Variants in DYNC2H1 observed in about 807,000 individuals in gnomAD.
The protein encoded by DYNC2H1 is cytoplasmic dynein 2 heavy chain 1.
DYNC2H1 carries 410 observed loss-of-function variants against 570.0 expected under a neutral mutation model. The ratio of observed to expected loss-of-function variants is 0.72; its 90% confidence interval spans 0.66 to 0.78. DYNC2H1 has a LOEUF of 0.78. Among genes scored for constraint, DYNC2H1 ranks in the 30% least tolerant of loss-of-function variants. DYNC2H1 has a pLI of 0.00. For synonymous variants in DYNC2H1, 1,688 were observed against 1,677.6 expected (o/e 1.01, Z -0.15); for missense variants, 4,865 against 5,046.4 (o/e 0.96, Z 1.09).
At chr11:103,183,201 A>G (rs1861925805) in intron 40 of DYNC2H1, among the ~76,000 whole-genome samples, 1 of 151,958 alleles carries the variant, frequency 6.6e-6, no homozygotes, top group South Asian at 2.1e-4. Context: ...TATATACCTG[A>G]TGCCTACATT....
intron 44 of DYNC2H1, among the ~76,000 whole-genome samples, 156 bp downstream of exon 44, chr11:103,188,804 G>A (rs1379384107): frequency 1.3e-5 from 2 of 151,822 alleles, no homozygotes; most frequent in Non-Finnish European, 2.9e-5. Context: ...CAAAATATAG[G>A]CAATAATTTA....
intron 85 of DYNC2H1, among the ~76,000 whole-genome samples, chr11:103,440,929 C>A (rs1000161697): frequency 2.0e-5 from 3 of 152,136 alleles, no homozygotes; most frequent in African/African-American, 4.8e-5. Context: ...TAACTAGAGT[C>A]CTGCTTCCAC....
intron 84 of DYNC2H1, among the ~76,000 whole-genome samples, chr11:103,410,098 C>G (rs767686916): frequency 1.3e-5 from 2 of 152,044 alleles, no homozygotes; most frequent in Admixed American, 1.3e-4. Context: ...TTAAGCTACA[C>G]TTTGGTTTGT....
chr11:103,154,304 C>A, intron 22 of DYNC2H1, 147 bp from the exon 23 acceptor site: 2 of 615,532 alleles, frequency 3.2e-6, no homozygotes, highest in Non-Finnish European at 5.0e-6. Context: ...ATTGTAGTTT[C>A]TTATTGTTTC....
At chr11:103,365,260 C>T (rs1279450324) in intron 83 of DYNC2H1, among the ~76,000 whole-genome samples, 2 of 151,800 alleles carry the variant, frequency 1.3e-5, no homozygotes, top group Admixed American at 6.6e-5. Flanking sequence ...ACTCAGGAGG[C>T]TGAGGCAGGA....
chr11:103,173,711 C>T (rs987389140), intron 35 of DYNC2H1, among the ~76,000 whole-genome samples: 11 of 151,880 alleles, frequency 7.2e-5, no homozygotes, highest in African/African-American at 2.4e-4. Flanking sequence ...AATTCTCTTC[C>T]ATATCACTTA....
chr11:103,196,641 G>A (rs1465320830), intron 47 of DYNC2H1, among the ~76,000 whole-genome samples: 1 of 152,064 alleles, frequency 6.6e-6, no homozygotes, highest in African/African-American at 2.4e-5. Context: ...AAGACTAGAA[G>A]GCTGAAATTG....
At chr11:103,126,918 G>A (rs1051030701) in intron 12 of DYNC2H1, among the ~76,000 whole-genome samples, 26 of 152,174 alleles carry the variant, frequency 1.7e-4, no homozygotes, top group African/African-American at 5.8e-4. Context: ...GATTACAGGC[G>A]TGAGCCACCG....
rs1035932418 is a variant in DYNC2H1, at chr11:103,467,295, A to G, written c.12649-1294A>G. 2.0e-4 allele frequency among the ~76,000 whole-genome samples: 31 copies of G among 152,178 alleles called. 1 individual carries two copies. The highest frequency in any genetic ancestry group is 7.2e-4 in the African/African-American group (30 of 41,442). On this transcript the variant is annotated intron_variant, in intron 87 of 88. Coordinates refer to ENST00000375735, the MANE Select transcript of DYNC2H1 (RefSeq NM_001377.3). ...TATCATCCCAGCTCTTTTACTAACA[A>G]CAAAGTTACTTATCTTTTCCTTGCA...
chr11:103,285,982 A>G (rs1005746230), intron 73 of DYNC2H1, among the ~76,000 whole-genome samples: 1 of 152,166 alleles, frequency 6.6e-6, no homozygotes, highest in African/African-American at 2.4e-5. Flanking sequence ...CAAGGTGGAG[A>G]TAGCTAGGTA....
intron 75 of DYNC2H1, among the ~76,000 whole-genome samples, chr11:103,298,434 T>C (rs1248150364): frequency 3.3e-5 from 5 of 152,168 alleles, no homozygotes; most frequent in Admixed American, 6.5e-5. Context: ...CCATCAACTC[T>C]TTGAAATACT....
chr11:103,405,803 G>T (rs1457145658), intron 84 of DYNC2H1: 3 of 151,878 alleles, frequency 2.0e-5, no homozygotes, highest in African/African-American at 4.8e-5. Context: ...ATGTCTTTGT[G>T]GGTAGTTGAA....
At chr11:103,208,929 C>A (rs1182178385) in intron 52 of DYNC2H1, among the ~76,000 whole-genome samples, 1 of 151,918 alleles carries the variant, frequency 6.6e-6, no homozygotes, top group Admixed American at 6.6e-5. Flanking sequence ...TGAGGATAGA[C>A]CATTTTAAAG....
In DYNC2H1 at chr11:103,203,558, A is replaced by G. The variant is rs1862800228; in HGVS notation, c.8198-105A>G. On this transcript the variant is annotated intron_variant, in intron 50 of 88. Coordinates refer to ENST00000375735, the MANE Select transcript of DYNC2H1 (RefSeq NM_001377.3). The surrounding 1 kb of genome is among the most constrained non-coding windows in gnomAD (Gnocchi z 4.7). ...GTCAAGTAGAGGTAATAAAGTTTGT[A>G]TATTTTTGGAAATAAAGATTGAATA... 1.5e-6 allele frequency: 1 copy of G among 679,452 alleles called. No individual in the cohort carries two copies. The highest frequency in any genetic ancestry group is 2.4e-6 in the Non-Finnish European group (1 of 422,056). 42.1% of individuals were successfully genotyped at this position (679,452 alleles called of 1,614,324 possible). A position where few individuals can be genotyped will look rare whatever the true frequency, so the allele number is the denominator to read the frequency against.
intron 39 of DYNC2H1, among the ~76,000 whole-genome samples, chr11:103,180,693 T>C (rs528061670): frequency 4.0e-5 from 6 of 151,704 alleles, no homozygotes; most frequent in Non-Finnish European, 8.9e-5. Flanking sequence ...TTAATGATTC[T>C]GGGACAACTG....
rs1334704395 is a variant in DYNC2H1, at chr11:103,395,368, TATATA to T, written c.12157-4289_12157-4285del. On this transcript the variant is annotated intron_variant, in intron 83 of 88. Coordinates refer to ENST00000375735, the MANE Select transcript of DYNC2H1 (RefSeq NM_001377.3). This position sits in a 1 kb window ranked among gnomAD's most constrained non-coding sequence, Gnocchi z 4.3. ...TTATTATGTATTATGTATATCCTCA[TATATA>T]ATATATATTCTGAAAGATCTGATGT... 2.6e-5 allele frequency among the ~76,000 whole-genome samples: 4 copies of T among 151,820 alleles called. No homozygotes were observed. The highest frequency in any genetic ancestry group is 9.7e-5 in the African/African-American group (4 of 41,446).
chr11:103,152,194 G>A lies in DYNC2H1; in HGVS notation c.3005G>A (p.Gly1002Asp), dbSNP rs750527911. The A allele has an allele frequency of 6.2e-7, 1 of 1,608,832 alleles. No homozygotes were observed. The highest frequency in any genetic ancestry group is 1.1e-5 in the South Asian group (1 of 89,818). ...DKNRLLRTVAGGGLETISNLK... is the reference protein window; with the variant it reads ...DKNRLLRTVADGGLETISNLK... The stretch of plus-strand genomic sequence containing the variant: ...AACAGACTTTTACGAACTGTGGCTG[G>A]TGGAGGTTTAGAAACAATTAGTAAT... The change falls in exon 21 of 89, where the codon GGT becomes GAT. Residue 1002 changes from glycine (G) to aspartate (D), a missense_variant. Around this residue, in one of 5 missense-constraint regions of DYNC2H1, gnomAD observed 1,936 missense variants for 1,962.1 expected, o/e 0.99. Transcript: ENST00000375735.
In DYNC2H1 at chr11:103,280,569, A is replaced by G. The variant is rs1273947007; in HGVS notation, c.10761+156A>G. 6.6e-6 allele frequency among the ~76,000 whole-genome samples: 1 copy of G among 152,192 alleles called. No individual in the cohort carries two copies. Among genetic ancestry groups the G allele is most frequent in the Non-Finnish European group, 1.5e-5 (1 of 68,010 alleles). On this transcript the variant is annotated intron_variant, in intron 71 of 88. Coordinates refer to ENST00000375735, the MANE Select transcript of DYNC2H1 (RefSeq NM_001377.3). This position sits in a 1 kb window ranked among gnomAD's most constrained non-coding sequence, Gnocchi z 4.7. ...AATGTAGTATAAAATGGTGATTCCT[A>G]GTTCTACTTCCCTGTGGATGAGCCT...
Position 103,170,187 on chromosome 11 carries a change from T to G in DYNC2H1, c.5048T>G (p.Leu1683Arg). The change falls in exon 33 of 89, where the codon CTT becomes CGT. Residue 1683 changes from leucine to arginine, a missense_variant. Transcript: ENST00000375735. This position sits in a 1 kb window ranked among gnomAD's most constrained non-coding sequence, Gnocchi z 4.8. ...LTLTQAMKMG[L>R]GGNPYGPAGT... ...CTCACTCAAGCCATGAAGATGGGACTTGGAGGAAATCCTTATGGACCAGCT... is the reference window on the plus strand; with the variant it reads ...CTCACTCAAGCCATGAAGATGGGACGTGGAGGAAATCCTTATGGACCAGCT... 1 of 1,613,124 alleles carries G rather than the reference T, an allele frequency of 6.2e-7. No homozygotes were observed. The highest frequency in any genetic ancestry group is 8.5e-7 in the Non-Finnish European group (1 of 1,179,488).
Sources: allele counts gnomAD v4.1 joint callset (sites outside exome capture counted in the v4.1 genomes callset), GRCh38; gene constraint gnomAD v4.1.1; regional missense constraint gnomAD v4.1.1; non-coding constraint Gnocchi (gnomAD v3.1); transcripts MANE v1.5; gene names NCBI Gene and HGNC (gene_info 2026-07-23, HGNC 2026-07-21).